Variants in MCUB observed in about 807,000 individuals in gnomAD.
MCUB encodes calcium uniporter regulatory subunit MCUb, mitochondrial.
A neutral mutation model predicts 41.4 loss-of-function variants in MCUB; 46 were observed. The ratio of observed to expected loss-of-function variants is 1.11; its 90% CI spans 0.88 to 1.42. The LOEUF (loss-of-function observed/expected upper bound fraction) is 1.42, where lower values mean the gene tolerates loss of function less well. Among genes scored for constraint, MCUB ranks in the 40% most tolerant of loss-of-function variants. MCUB has a pLI of 0.00. For synonymous variants in MCUB, 148 were observed against 148.2 expected, an observed-to-expected ratio of 1.00 and a Z score of 0.01; for missense variants, 403 against 404.9, an observed-to-expected ratio of 1.00 and a Z score of 0.04.
intron 1 of MCUB, among the ~76,000 whole-genome samples, chr4:109,587,037 T>C (rs954408932): frequency 1.3e-5 from 2 of 152,204 alleles, no homozygotes; most frequent in Admixed American, 1.3e-4. Flanking sequence ...CTGATGCCTT[T>C]TATTCAGCTA....
At chr4:109,608,349 G>A (rs536952681) in intron 1 of MCUB, among the ~76,000 whole-genome samples, 38 of 151,898 alleles carry the variant, frequency 2.5e-4, no homozygotes, top group African/African-American at 8.5e-4. Context: ...TGAGATACCT[G>A]TCTGAAAGGT....
intron 1 of MCUB, among the ~76,000 whole-genome samples, chr4:109,591,168 T>C (rs1403383849): frequency 1.3e-5 from 2 of 151,756 alleles, no homozygotes; most frequent in Non-Finnish European, 2.9e-5. Context: ...TCCTCTCTCA[T>C]GTTAAATGTT....
chr4:109,576,458 G>A (rs746546726), intron 1 of MCUB, among the ~76,000 whole-genome samples: 2 of 150,206 alleles, frequency 1.3e-5, no homozygotes, highest in Non-Finnish European at 3.0e-5. Context: ...ATGAAAAGTG[G>A]TCAGCCTCAC....
intron 7 of MCUB, 79 bp downstream of exon 7, chr4:109,685,446 T>G: frequency 1.6e-6 from 1 of 634,310 alleles, no homozygotes; most frequent in Non-Finnish European, 2.9e-6. Flanking sequence ...TGGTGGCTCA[T>G]CCTCACAAAT....
chr4:109,566,262 G>A (rs1355396362), intron 1 of MCUB, among the ~76,000 whole-genome samples: 1 of 151,602 alleles, frequency 6.6e-6, no homozygotes, highest in African/African-American at 2.4e-5. Flanking sequence ...GAGGTGAGGA[G>A]ATCGAGACTA....
At chr4:109,670,926 C>G (rs1729441649) in intron 4 of MCUB, among the ~76,000 whole-genome samples, 2 of 152,084 alleles carry the variant, frequency 1.3e-5, no homozygotes, top group African/African-American at 4.8e-5. Context: ...AAGAGTTGTC[C>G]ACGCTGAGCC....
intron 1 of MCUB, among the ~76,000 whole-genome samples, chr4:109,643,708 T>A (rs2126140930): frequency 6.6e-6 from 1 of 152,052 alleles, no homozygotes; most frequent in Non-Finnish European, 1.5e-5. Context: ...TTCACCACGT[T>A]GGCCAGGGTG....
At position 109,688,457 on chromosome 4, in the gene MCUB, C is replaced by G. The variant is rs926199450; in HGVS notation, c.*865C>G. On this transcript the variant is annotated 3_prime_UTR_variant, in exon 8 of 8. Coordinates refer to ENST00000394650, the MANE Select transcript of MCUB (RefSeq NM_017918.5). ...GTTTTCTATTTCATCCTCAGAATGC[C>G]ATACAACAATTCTGGAATGCTGATT... The G allele has an allele frequency of 3.3e-5, 5 of 152,086 alleles. No homozygotes were observed. The highest frequency in any genetic ancestry group is 1.2e-4 in the African/African-American group (5 of 41,394). The allele number at this position is 152,086 out of a possible 1,614,324, so 9.4% of individuals were successfully genotyped here. A position where few individuals can be genotyped will look rare whatever the true frequency, so the allele number is the denominator to read the frequency against.
chr4:109,614,296 G>A (rs116749484), intron 1 of MCUB, among the ~76,000 whole-genome samples: 1,984 of 152,184 alleles, frequency 0.013, 18 homozygotes, highest in Non-Finnish European at 0.018. Flanking sequence ...CATGCTGTAG[G>A]ATTGAGTGAA....
intron 1 of MCUB, among the ~76,000 whole-genome samples, chr4:109,598,010 AGAC>A (rs1727620809): frequency 6.6e-6 from 1 of 150,634 alleles, no homozygotes; most frequent in Non-Finnish European, 1.5e-5. Context: ...GGCCGGGCAG[AGAC>A]GCTCTTCACT....
chr4:109,584,729 G>A (rs1323748158), intron 1 of MCUB, among the ~76,000 whole-genome samples: 2 of 152,162 alleles, frequency 1.3e-5, no homozygotes, highest in African/African-American at 2.4e-5. Flanking sequence ...TCATTCAGGA[G>A]CACGTTGTTC....
At chr4:109,597,938 G>A (rs1478510770) in intron 1 of MCUB, among the ~76,000 whole-genome samples, 8 of 146,532 alleles carry the variant, frequency 5.5e-5, no homozygotes, top group Admixed American at 3.4e-4. Context: ...GGGCAGAGGC[G>A]CTCCTCACAT....
rs185634269 is a variant in MCUB, at chr4:109,659,120, T to C, written c.175+34T>C. 8.7e-6 allele frequency: 10 copies of C among 1,150,580 alleles called. No homozygotes were observed. In the African/African-American group the frequency reaches 1.4e-4, roughly 16 times the overall value. The allele number at this position is 1,150,580 out of a possible 1,614,324, so 71.3% of individuals were successfully genotyped here. ...TCTTACCATTTATTTGATTCATATG[T>C]TAATTGTTTCCCTTTCTTCCAAATA... is the stretch of plus-strand genomic sequence containing the variant. On this transcript the variant is annotated intron_variant, in intron 2 of 7. Coordinates refer to ENST00000394650, the MANE Select transcript of MCUB (RefSeq NM_017918.5).
chr4:109,677,471 G>A (rs1351047527), intron 4 of MCUB, among the ~76,000 whole-genome samples: 1 of 152,148 alleles, frequency 6.6e-6, no homozygotes, highest in African/African-American at 2.4e-5. Context: ...AGGGGCCGGG[G>A]CAGAATGCTA....
chr4:109,648,724 CAAAAAAA>C, intron 1 of MCUB: 4 of 235,578 alleles, frequency 1.7e-5, no homozygotes, highest in South Asian at 6.8e-5. Context: ...TACAGAGAAG[CAAAAAAA>C]AAAAAAAAAA....
At chr4:109,562,332 G>A (rs1255577170) in intron 1 of MCUB, among the ~76,000 whole-genome samples, 1 of 152,142 alleles carries the variant, frequency 6.6e-6, no homozygotes, top group Non-Finnish European at 1.5e-5. Flanking sequence ...GCAAATTTTT[G>A]TTTTAAGCCA....
At chr4:109,642,695 A>G (rs1432762601) in intron 1 of MCUB, among the ~76,000 whole-genome samples, 1 of 151,718 alleles carries the variant, frequency 6.6e-6, no homozygotes, top group Non-Finnish European at 1.5e-5. Flanking sequence ...TTTAGGCTAT[A>G]TTTTCTACTT....
intron 1 of MCUB, among the ~76,000 whole-genome samples, chr4:109,608,531 A>AGG (rs1727930470): frequency 6.6e-6 from 1 of 152,128 alleles, no homozygotes; most frequent in Non-Finnish European, 1.5e-5. Context: ...TCTGTTGCCC[A>AGG]GGCTGGAGTG....
At chr4:109,630,707 G>A (rs1042057742) in intron 1 of MCUB, among the ~76,000 whole-genome samples, 2 of 151,876 alleles carry the variant, frequency 1.3e-5, no homozygotes, top group African/African-American at 4.8e-5. Flanking sequence ...TGAGCCTCCC[G>A]AGTAGCTGGG....
Sources: gnomAD v4.1 joint callset for allele counts (sites outside exome capture counted in the v4.1 genomes callset) on GRCh38, gnomAD v4.1.1 for gene constraint, MANE v1.5 for transcripts, NCBI Gene and HGNC (gene_info 2026-07-23, HGNC 2026-07-21) for gene names.